The following EXOC4 variants were observed in gnomAD, a reference collection of about 807,000 sequenced individuals.
The protein encoded by EXOC4 is SEC8-like 1.
Under a neutral mutation model 107.2 loss-of-function variants are expected in EXOC4, and 71 were observed. The ratio of observed to expected loss-of-function variants is 0.66; its 90% confidence interval spans 0.55 to 0.81. The LOEUF (loss-of-function observed/expected upper bound fraction) is 0.81. Ranked by LOEUF, EXOC4 falls within the 30% of genes least tolerant of loss-of-function variation. The pLI is 0.00. For missense variants in EXOC4, 1,108 were observed against 1,189.6 expected (o/e 0.93, Z 1.01); for synonymous variants, 456 against 441.2 (o/e 1.03, Z -0.42).
At position 133,614,676 on chromosome 7, in the gene EXOC4, C is replaced by T. The variant is rs1477553118; in HGVS notation, c.1418-15369C>T. 2.0e-5 allele frequency among the ~76,000 whole-genome samples: 3 copies of T among 151,324 alleles called. No individual in the cohort carries two copies. The Admixed American group carries it at 2.0e-4, about 10-fold the overall frequency. On this transcript the variant is annotated intron_variant, in intron 9 of 17. Coordinates refer to ENST00000253861, the MANE Select transcript of EXOC4 (RefSeq NM_021807.4). ...GTTATAGAAAATGCCATGAAAACCACCAAACCCAAAGTGAATTCTTGTTGG... is the reference window on the plus strand; with the variant it reads ...GTTATAGAAAATGCCATGAAAACCATCAAACCCAAAGTGAATTCTTGTTGG...
intron 17 of EXOC4, among the ~76,000 whole-genome samples, chr7:134,062,073 G>C (rs1796073386): frequency 6.6e-6 from 1 of 152,108 alleles, no homozygotes. Context: ...TATGTGTCTG[G>C]TTCTGTGATG....
intron 11 of EXOC4, among the ~76,000 whole-genome samples, chr7:133,878,322 C>G (rs775765753): frequency 1.3e-5 from 2 of 152,196 alleles, no homozygotes; most frequent in Non-Finnish European, 2.9e-5. Context: ...TCTTTAATCC[C>G]TAACAGTCAC....
At chr7:133,557,092 AGCT>A (rs1484260773) in intron 9 of EXOC4, among the ~76,000 whole-genome samples, 2 of 152,208 alleles carry the variant, frequency 1.3e-5, no homozygotes, top group East Asian at 3.8e-4. Context: ...AGAAAACAGC[AGCT>A]AACCTAAAGT....
intron 9 of EXOC4, among the ~76,000 whole-genome samples, chr7:133,541,299 G>A (rs192535681): frequency 6.6e-6 from 1 of 152,158 alleles, no homozygotes; most frequent in East Asian, 1.9e-4. Flanking sequence ...AATTTTTCAC[G>A]TTTGAATATT....
intron 9 of EXOC4, among the ~76,000 whole-genome samples, chr7:133,482,324 C>T (rs1172043142): frequency 6.6e-6 from 1 of 152,140 alleles, no homozygotes; most frequent in Non-Finnish European, 1.5e-5. Flanking sequence ...TGCAGCCTTC[C>T]ATTTGACCCT....
At chr7:133,994,352 G>T (rs1794331614) in intron 14 of EXOC4, among the ~76,000 whole-genome samples, 1 of 152,112 alleles carries the variant, frequency 6.6e-6, no homozygotes, top group South Asian at 2.1e-4. Context: ...GCCTATCGGG[G>T]GGAGGAGGGC....
At chr7:133,567,632 A>G (rs182747744) in intron 9 of EXOC4, among the ~76,000 whole-genome samples, 74 of 152,272 alleles carry the variant, frequency 4.9e-4, no homozygotes, top group Admixed American at 3.0e-3. Context: ...GCTATAACAG[A>G]ATATCATAGA....
chr7:133,467,404 G>A (rs1798756258), intron 7 of EXOC4, among the ~76,000 whole-genome samples: 1 of 151,160 alleles, frequency 6.6e-6, no homozygotes, highest in African/African-American at 2.4e-5. Context: ...TTCCTTTATA[G>A]GATTTTCCTG....
chr7:133,629,529 GT>G (rs113559946), intron 9 of EXOC4, among the ~76,000 whole-genome samples: 1 of 34,042 alleles, frequency 2.9e-5, no homozygotes, highest in Non-Finnish European at 6.8e-5. Context: ...TTTTTGTTTT[GT>G]TTTGTTTGTT....
intron 10 of EXOC4, among the ~76,000 whole-genome samples, chr7:133,692,963 T>A (rs1794453068): frequency 1.3e-5 from 2 of 152,212 alleles, no homozygotes; most frequent in Non-Finnish European, 2.9e-5. Context: ...TCCTCCTCCT[T>A]GTTTTGGATA....
At chr7:134,027,881 G>C (rs1160229552) in intron 17 of EXOC4, among the ~76,000 whole-genome samples, 1 of 152,196 alleles carries the variant, frequency 6.6e-6, no homozygotes, top group Non-Finnish European at 1.5e-5. Context: ...CTGGAGACTT[G>C]CTCTGAGAGA....
intron 10 of EXOC4, among the ~76,000 whole-genome samples, chr7:133,655,094 C>T (rs912481627): frequency 6.6e-6 from 1 of 152,082 alleles, no homozygotes; most frequent in African/African-American, 2.4e-5. Flanking sequence ...AAACACTGTA[C>T]ACTTGAGTTA....
At chr7:133,541,366 T>C (rs1800376509) in intron 9 of EXOC4, among the ~76,000 whole-genome samples, 1 of 152,172 alleles carries the variant, frequency 6.6e-6, no homozygotes, top group South Asian at 2.1e-4. Context: ...CTGATAGCTA[T>C]AGAAACTGTT....
At chr7:133,809,012 G>A (rs1797150776) in intron 10 of EXOC4, among the ~76,000 whole-genome samples, 1 of 151,832 alleles carries the variant, frequency 6.6e-6, no homozygotes, top group African/African-American at 2.4e-5. Context: ...GATTTAGGGT[G>A]TTTCATTCTC....
intron 10 of EXOC4, among the ~76,000 whole-genome samples, chr7:133,787,134 T>C (rs886593360): frequency 6.6e-5 from 10 of 151,100 alleles, no homozygotes; most frequent in African/African-American, 2.4e-4. Context: ...GTAAGGTACT[T>C]TTTTTTTCTT....
At chr7:133,648,459 A>G (rs959004337) in intron 10 of EXOC4, among the ~76,000 whole-genome samples, 1 of 152,200 alleles carries the variant, frequency 6.6e-6, no homozygotes, top group Non-Finnish European at 1.5e-5. Flanking sequence ...AGATATGTGC[A>G]ATATAATATT....
intron 9 of EXOC4, among the ~76,000 whole-genome samples, chr7:133,522,497 A>G (rs1473318414): frequency 1.3e-5 from 2 of 152,146 alleles, no homozygotes; most frequent in East Asian, 3.9e-4. Context: ...CCTCTTCTGA[A>G]TAACAAATAA....
At chr7:133,859,976 A>G (rs1438083043) in intron 11 of EXOC4, among the ~76,000 whole-genome samples, 1 of 151,936 alleles carries the variant, frequency 6.6e-6, no homozygotes, top group Non-Finnish European at 1.5e-5. Context: ...AGACTAGAAA[A>G]CTCCAACCCG....
At chr7:133,749,249 A>T (rs1461109613) in intron 10 of EXOC4, among the ~76,000 whole-genome samples, 1 of 152,200 alleles carries the variant, frequency 6.6e-6, no homozygotes, top group Non-Finnish European at 1.5e-5. Flanking sequence ...TGGAGCCTGA[A>T]GGGATGATGG....
Sources: gnomAD v4.1 joint callset for allele counts (sites outside exome capture counted in the v4.1 genomes callset) on GRCh38, gnomAD v4.1.1 for gene constraint, MANE v1.5 for transcripts, NCBI Gene and HGNC (gene_info 2026-07-23, HGNC 2026-07-21) for gene names.